Variants in PCDHA10 observed in about 807,000 individuals in gnomAD.
PCDHA10 encodes the protein protocadherin alpha-10.
A neutral mutation model predicts 61.2 loss-of-function variants in PCDHA10; 45 were observed. The observed-to-expected ratio is 0.74, with a 90% confidence interval of 0.58 to 0.94. The LOEUF (loss-of-function observed/expected upper bound fraction) is 0.94. Among genes scored for constraint, PCDHA10 ranks in the 40% least tolerant of loss-of-function variants. The pLI is 0.00. For synonymous variants in PCDHA10, 602 were observed against 548.8 expected (o/e 1.10, Z -1.35); for missense variants, 1,278 against 1,236.2 (o/e 1.03, Z -0.51).
chr5:140,857,434 C>T lies in PCDHA10; in HGVS notation c.1386C>T (p.Phe462=), dbSNP rs987628518. ...TCGCGCAGTCCGAGTACACGGTGTT[C>T]GTGAAGGAGAACAACCCGCCAGGCT... is the stretch of plus-strand genomic sequence containing the variant. The part of the protein sequence containing the change: ...PAFAQSEYTV[F]VKENNPPGCH... The change falls in exon 1 of 4, where the codon TTC becomes TTT. Residue 462 remains phenylalanine, a synonymous_variant. Coordinates refer to ENST00000307360, the MANE Select transcript of PCDHA10 (RefSeq NM_018901.4). 1.3e-6 allele frequency: 2 copies of T among 1,598,440 alleles called. No homozygotes were observed. Among genetic ancestry groups the T allele is most frequent in the Non-Finnish European group, 1.7e-6 (2 of 1,167,864 alleles).
At chr5:140,976,740 A>C (rs1425716353) in intron 1 of PCDHA10, among the ~76,000 whole-genome samples, 7 of 152,192 alleles carry the variant, frequency 4.6e-5, no homozygotes, top group African/African-American at 1.7e-4. Flanking sequence ...CACATTTTAA[A>C]AACCTCCCAG....
At chr5:140,987,592 G>T (rs150671243) in intron 3 of PCDHA10, among the ~76,000 whole-genome samples, 2 of 152,172 alleles carry the variant, frequency 1.3e-5, no homozygotes, top group African/African-American at 4.8e-5. Flanking sequence ...GAGAATAGTG[G>T]TGTCTACCTT....
chr5:140,999,574 A>G (rs2097863527), intron 3 of PCDHA10, among the ~76,000 whole-genome samples: 1 of 152,170 alleles, frequency 6.6e-6, no homozygotes, highest in South Asian at 2.1e-4. Context: ...AAGAGACTAT[A>G]AAGGGAAATT....
chr5:140,898,794 T>C (rs1487494121), intron 1 of PCDHA10, among the ~76,000 whole-genome samples: 4 of 152,236 alleles, frequency 2.6e-5, no homozygotes, highest in Non-Finnish European at 4.4e-5. Context: ...ATGGCCATTT[T>C]CACGATACTG....
At chr5:140,967,456 G>C in intron 1 of PCDHA10, 1 of 1,613,598 alleles carries the variant, frequency 6.2e-7, no homozygotes, top group Non-Finnish European at 8.5e-7. Context: ...TCACAGCCGT[G>C]GATGGGGGCA....
intron 1 of PCDHA10, among the ~76,000 whole-genome samples, chr5:140,950,299 C>T (rs246045): frequency 0.56 from 85,681 of 151,798 alleles, 24,780 homozygotes; most frequent in African/African-American, 0.69. Context: ...AAAAACTTTA[C>T]TTAGCAGTTT....
intron 3 of PCDHA10, among the ~76,000 whole-genome samples, chr5:140,982,882 C>CAGAGA (rs1353974224): frequency 6.6e-6 from 1 of 151,972 alleles, no homozygotes; most frequent in African/African-American, 2.4e-5. Context: ...CCAAGCCATG[C>CAGAGA]AGAGAAGATC....
At chr5:140,876,820 G>A in intron 1 of PCDHA10, 2 of 1,614,214 alleles carry the variant, frequency 1.2e-6, no homozygotes, top group Non-Finnish European at 1.7e-6. Context: ...CGACGTGAAC[G>A]ACAATGCGCC....
intron 1 of PCDHA10, among the ~76,000 whole-genome samples, chr5:140,872,998 G>C (rs2054022914): frequency 6.6e-6 from 1 of 152,060 alleles, no homozygotes; most frequent in African/African-American, 2.4e-5. Flanking sequence ...TTACTTCTGA[G>C]TCATTCTTCA....
intron 1 of PCDHA10, among the ~76,000 whole-genome samples, chr5:140,964,876 G>A (rs2095860081): frequency 6.6e-6 from 1 of 152,188 alleles, no homozygotes; most frequent in Non-Finnish European, 1.5e-5. Flanking sequence ...CAAATAAGAA[G>A]CAGCAGTGAT....
chr5:140,902,102 G>T (rs1407664200), intron 1 of PCDHA10, among the ~76,000 whole-genome samples: 1 of 151,098 alleles, frequency 6.6e-6, no homozygotes, highest in Non-Finnish European at 1.5e-5. Flanking sequence ...GGAGTCTTTA[G>T]ATTTTTTTAA....
intron 3 of PCDHA10, among the ~76,000 whole-genome samples, chr5:140,985,001 G>A (rs1554246727): frequency 1.3e-5 from 2 of 151,944 alleles, no homozygotes; most frequent in South Asian, 2.1e-4. Flanking sequence ...CCAGTGGCAC[G>A]ATATCGGCTC....
chr5:140,971,541 G>C (rs544682624), intron 1 of PCDHA10, among the ~76,000 whole-genome samples: 1 of 152,290 alleles, frequency 6.6e-6, no homozygotes, highest in Non-Finnish European at 1.5e-5. Flanking sequence ...ATCATTGCCA[G>C]ATCAACCTGT....
At chr5:140,987,268 C>T (rs190952772) in intron 3 of PCDHA10, among the ~76,000 whole-genome samples, 177 of 151,894 alleles carry the variant, frequency 1.2e-3, no homozygotes, top group African/African-American at 4.1e-3. Flanking sequence ...GAATGGGACC[C>T]GGCAGTCTAT....
At chr5:140,917,815 G>T (rs554230002) in intron 1 of PCDHA10, among the ~76,000 whole-genome samples, 1 of 152,018 alleles carries the variant, frequency 6.6e-6, no homozygotes, top group South Asian at 2.1e-4. Context: ...TATAGTTGAA[G>T]TTGGGTAGTG....
intron 1 of PCDHA10, among the ~76,000 whole-genome samples, chr5:140,899,105 T>G (rs2153462801): frequency 6.6e-6 from 1 of 152,160 alleles, no homozygotes; most frequent in Non-Finnish European, 1.5e-5. Flanking sequence ...GATAATGGGG[T>G]TTTCTAGATA....
intron 1 of PCDHA10, among the ~76,000 whole-genome samples, chr5:140,918,314 A>G (rs2078635890): frequency 1.3e-5 from 2 of 152,138 alleles, no homozygotes; most frequent in Admixed American, 1.3e-4. Context: ...TTTTCTAGGT[A>G]TAAAATTATA....
At chr5:140,876,168 C>A in intron 1 of PCDHA10, 5 of 1,613,918 alleles carry the variant, frequency 3.1e-6, no homozygotes, top group Non-Finnish European at 4.2e-6. Context: ...AAATAACCGT[C>A]CTGGATGTGA....
intron 3 of PCDHA10, among the ~76,000 whole-genome samples, chr5:140,985,909 T>C (rs1421545707): frequency 6.6e-6 from 1 of 151,912 alleles, no homozygotes; most frequent in Non-Finnish European, 1.5e-5. Flanking sequence ...CCGTCTAATT[T>C]TTTGTATTTT....
Sources: allele counts gnomAD v4.1 joint callset (sites outside exome capture counted in the v4.1 genomes callset), GRCh38; gene constraint gnomAD v4.1.1; transcripts MANE v1.5; gene names NCBI Gene and HGNC (gene_info 2026-07-23, HGNC 2026-07-21).